Variants in EYS observed in about 807,000 individuals in gnomAD.
EYS encodes the protein protein eyes shut homolog.
EYS carries 250 observed loss-of-function variants against 282.1 expected under a neutral mutation model. That is an observed-to-expected ratio of 0.89 (90% CI 0.80 to 0.98). The LOEUF (loss-of-function observed/expected upper bound fraction) is 0.98, where lower values mean the gene tolerates loss of function less well. Among genes scored for constraint, EYS ranks in the 50% least tolerant of loss-of-function variants. The probability of loss-of-function intolerance (pLI) is 0.00; values close to 1 mark genes in which losing one functional copy is unlikely to be tolerated. For synonymous variants in EYS, 1,355 were observed against 1,282.9 expected, an observed-to-expected ratio of 1.06 and a Z score of -1.20; for missense variants, 4,016 against 3,709.0, an observed-to-expected ratio of 1.08 and a Z score of -2.15.
chr6:64,857,919 T>A (rs536397207), intron 19 of EYS, among the ~76,000 whole-genome samples: 1 of 152,304 alleles, frequency 6.6e-6, no homozygotes, highest in South Asian at 2.1e-4. Flanking sequence ...GAAAAATGTC[T>A]GATTTTATTT....
intron 19 of EYS, among the ~76,000 whole-genome samples, chr6:64,848,979 G>A (rs1765800909): frequency 6.6e-6 from 1 of 151,984 alleles, no homozygotes; most frequent in Non-Finnish European, 1.5e-5. Flanking sequence ...TGGCAGAACT[G>A]CAAATCATAT....
intron 18 of EYS, among the ~76,000 whole-genome samples, chr6:64,889,492 G>A (rs561556649): frequency 1.9e-4 from 29 of 151,990 alleles, no homozygotes; most frequent in African/African-American, 6.8e-4. Flanking sequence ...TTTACTAAAT[G>A]TTATTGTTGC....
At chr6:63,763,746 T>C (rs1769708690) in intron 40 of EYS, among the ~76,000 whole-genome samples, 1 of 151,726 alleles carries the variant, frequency 6.6e-6, no homozygotes, top group South Asian at 2.1e-4. Flanking sequence ...TAAACCTCTT[T>C]CCTTTATAAA....
At chr6:64,513,141 G>A (rs16895405) in intron 26 of EYS, among the ~76,000 whole-genome samples, 7,843 of 151,664 alleles carry the variant, frequency 0.052, 681 homozygotes, top group African/African-American at 0.18. Flanking sequence ...AAATTGATCA[G>A]GTAATTCAAT....
intron 8 of EYS, among the ~76,000 whole-genome samples, chr6:65,383,750 A>C: frequency 6.6e-6 from 1 of 151,972 alleles, no homozygotes; most frequent in East Asian, 1.9e-4. Flanking sequence ...ATTTGTAAGT[A>C]TTAATACATA....
chr6:65,443,382 A>C lies in EYS; in HGVS notation c.863-38015T>G, dbSNP rs62646230. Among the ~76,000 whole-genome samples the C allele has an allele frequency of 3.4e-3, 295 of 87,646 alleles. 25 individuals carry two copies. Among genetic ancestry groups the C allele is most frequent in the Middle Eastern group, 0.014 (2 of 138 alleles). 57.5% of individuals were successfully genotyped at this position (87,646 alleles called of 152,430 possible). A position where few individuals can be genotyped will look rare whatever the true frequency, so the allele number is the denominator to read the frequency against. On this transcript the variant is annotated intron_variant, in intron 5 of 42. Coordinates refer to ENST00000503581, the MANE Select transcript of EYS (RefSeq NM_001142800.2). ...TGCATACATGTATGTACACATATAG[A>C]CATATATGCATACATGTATGTACAC...
In EYS at chr6:64,714,522, T is replaced by C. The variant is rs1337981740; in HGVS notation, c.3444-88277A>G. 1.4e-3 allele frequency among the ~76,000 whole-genome samples: 204 copies of C among 142,466 alleles called. 4 individuals carry two copies. Among genetic ancestry groups the C allele is most frequent in the Middle Eastern group, 7.0e-3 (2 of 286 alleles). The allele number at this position is 142,466 out of a possible 152,430, so 93.5% of individuals were successfully genotyped here. A position where few individuals can be genotyped will look rare whatever the true frequency, so the allele number is the denominator to read the frequency against. ...AAACACATTTTCTTTCTTTCTTTTT[T>C]TTTTTTTTTTTTTTTTTTTTTGAGA... On this transcript the variant is annotated intron_variant, in intron 22 of 42. Coordinates refer to ENST00000503581, the MANE Select transcript of EYS (RefSeq NM_001142800.2).
chr6:64,233,662 A>G (rs1388916360), intron 30 of EYS, among the ~76,000 whole-genome samples: 1 of 152,226 alleles, frequency 6.6e-6, no homozygotes, highest in Non-Finnish European at 1.5e-5. Context: ...GTAACTTTGT[A>G]TAAGGATACA....
chr6:64,926,841 A>G (rs1768533328), intron 15 of EYS, among the ~76,000 whole-genome samples: 1 of 152,202 alleles, frequency 6.6e-6, no homozygotes, highest in South Asian at 2.1e-4. Context: ...AAATGTAGGT[A>G]TTTGTAAAGA....
At position 65,392,968 on chromosome 6, in the gene EYS, T is replaced by C. The variant is rs557552555; in HGVS notation, c.1185-8468A>G. ...CTGGATTAAGAAAATGTGTCACATA[T>C]ACACCATGGAATACTATGCAGCCAT... is the stretch of plus-strand genomic sequence containing the variant. On this transcript the variant is annotated intron_variant, in intron 7 of 42. Transcript: ENST00000503581. Among the ~76,000 whole-genome samples the C allele has an allele frequency of 2.5e-3, 377 of 152,270 alleles. 2 individuals are homozygous for C. The highest frequency in any genetic ancestry group is 0.02 in the South Asian group (97 of 4,824).
At position 64,912,626 on chromosome 6, in the gene EYS, A is replaced by G; in HGVS notation, c.2499T>C (p.Phe833=). Residue 833 remains phenylalanine, a synonymous_variant, in exon 16 of 43, where the codon TTT becomes TTC. Coordinates refer to ENST00000503581, the MANE Select transcript of EYS (RefSeq NM_001142800.2). ...LCHESTIPGQ[F]VCLCPPLYTG... is the part of the protein sequence containing the mutation. Reference sequence around the variant, plus strand: ...TATAAAGGGGTGGGCACAGACATACAAATTGTCCAGGGATGGTAGATTCAT... The same window carrying G: ...TATAAAGGGGTGGGCACAGACATACGAATTGTCCAGGGATGGTAGATTCAT... 6.4e-7 allele frequency: 1 copy of G among 1,551,120 alleles called. No homozygotes were observed. The highest frequency in any genetic ancestry group is 8.7e-7 in the Non-Finnish European group (1 of 1,146,630).
chr6:64,368,575 ATTTT>A (rs781159971), intron 29 of EYS, among the ~76,000 whole-genome samples: 4 of 151,836 alleles, frequency 2.6e-5, no homozygotes, highest in Admixed American at 1.3e-4. Context: ...CCAGCATGTT[ATTTT>A]TTTACTTTTT....
intron 22 of EYS, among the ~76,000 whole-genome samples, chr6:64,746,281 G>T (rs868581648): frequency 2.0e-5 from 3 of 151,960 alleles, no homozygotes; most frequent in African/African-American, 4.8e-5. Context: ...TAATACTATT[G>T]TCAAGGTTCA....
intron 36 of EYS, among the ~76,000 whole-genome samples, chr6:63,839,422 C>T (rs1337734960): frequency 2.0e-5 from 3 of 152,104 alleles, no homozygotes; most frequent in Non-Finnish European, 4.4e-5. Flanking sequence ...AATAGCATTC[C>T]ATTGTGTATA....
chr6:65,426,837 T>C (rs1233581448), intron 5 of EYS, among the ~76,000 whole-genome samples: 1 of 152,186 alleles, frequency 6.6e-6, no homozygotes, highest in Non-Finnish European at 1.5e-5. Flanking sequence ...TTTAGTAATT[T>C]ACATGACTAA....
At chr6:64,173,760 G>T (rs1193321000) in intron 31 of EYS, among the ~76,000 whole-genome samples, 1 of 152,058 alleles carries the variant, frequency 6.6e-6, no homozygotes, top group Non-Finnish European at 1.5e-5. Context: ...TATTAAAATA[G>T]AACATATCTA....
chr6:64,027,146 G>C (rs996874657), intron 33 of EYS, among the ~76,000 whole-genome samples: 3 of 152,198 alleles, frequency 2.0e-5, no homozygotes, highest in Non-Finnish European at 1.5e-5. Context: ...GCCATCCCCA[G>C]TATGGATCCC....
intron 12 of EYS, among the ~76,000 whole-genome samples, chr6:65,295,079 G>A (rs1228101165): frequency 5.9e-5 from 9 of 151,758 alleles, no homozygotes; most frequent in South Asian, 2.1e-4. Context: ...TTCATGTTAC[G>A]ATGAAAATCC....
intron 19 of EYS, among the ~76,000 whole-genome samples, chr6:64,845,537 C>CTCTT (rs1468197611): frequency 6.6e-6 from 1 of 151,484 alleles, no homozygotes; most frequent in Non-Finnish European, 1.5e-5. Flanking sequence ...CTCTCTCTCT[C>CTCTT]TCTCTCTCTG....
Sources: allele counts gnomAD v4.1 joint callset (sites outside exome capture counted in the v4.1 genomes callset), GRCh38; gene constraint gnomAD v4.1.1; transcripts MANE v1.5; gene names NCBI Gene and HGNC (gene_info 2026-07-23, HGNC 2026-07-21).